Variants in TNPO1 observed in about 807,000 individuals in gnomAD.
TNPO1 encodes transportin 1.
In TNPO1, 8 loss-of-function variants were observed where a neutral mutation model predicts 119.5. That is an observed-to-expected ratio of 0.07 (90% CI 0.04 to 0.12). The LOEUF is 0.12. Among genes scored for constraint, TNPO1 ranks in the 10% least tolerant of loss-of-function variants. The pLI is 1.00. For synonymous variants in TNPO1, 362 were observed against 363.0 expected (o/e 1.00, Z 0.03); for missense variants, 576 against 1,089.8 (o/e 0.53, Z 6.64).
At chr5:72,878,948 G>T in intron 9 of TNPO1, 1 of 501,500 alleles carries the variant, frequency 2.0e-6, no homozygotes, top group East Asian at 6.0e-5. Context: ...AATTTGGCAC[G>T]AACCATGCCA....
intron 9 of TNPO1, among the ~76,000 whole-genome samples, chr5:72,880,816 C>CAAAAA (rs35726893): frequency 2.0e-5 from 2 of 101,180 alleles, no homozygotes; most frequent in Non-Finnish European, 3.8e-5. Context: ...GACTCCATCT[C>CAAAAA]AAAAAAAAAA....
chr5:72,903,581 T>C (rs1404742252), intron 22 of TNPO1, 128 bp from the exon 23 acceptor site: 7 of 634,778 alleles, frequency 1.1e-5, no homozygotes, highest in African/African-American at 1.9e-5. Context: ...ATGATCATAG[T>C]TAATTTTTAA....
intron 5 of TNPO1, among the ~76,000 whole-genome samples, chr5:72,862,689 AG>A (rs1746548416): frequency 6.6e-6 from 1 of 151,962 alleles, no homozygotes. Context: ...TCTGTTGCCC[AG>A]GCTGAAGTGC....
In TNPO1 at chr5:72,862,584, C is replaced by T. The variant is rs576450186; in HGVS notation, c.462+670C>T. On this transcript the variant is annotated intron_variant, in intron 5 of 24. Coordinates refer to ENST00000337273, the MANE Select transcript of TNPO1 (RefSeq NM_002270.4). ...TCAAGAAATCTTCCAGCCTCAGCCTCCCAAAGTGCTGGGATTACAGGCATG... is the reference window on the plus strand; with the variant it reads ...TCAAGAAATCTTCCAGCCTCAGCCTTCCAAAGTGCTGGGATTACAGGCATG... 1.1e-4 allele frequency among the ~76,000 whole-genome samples: 16 copies of T among 152,106 alleles called. No individual in the cohort carries two copies. The South Asian group carries it at 3.3e-3, about 32-fold the overall frequency.
At chr5:72,826,550 C>A (rs1463723010) in intron 1 of TNPO1, among the ~76,000 whole-genome samples, 2 of 152,116 alleles carry the variant, frequency 1.3e-5, no homozygotes, top group East Asian at 3.9e-4. Context: ...CTGCAAGATA[C>A]AGATACAGAG....
intron 14 of TNPO1, 22 bp downstream of exon 14, chr5:72,889,979 T>A: frequency 6.2e-7 from 1 of 1,605,420 alleles, no homozygotes; most frequent in Non-Finnish European, 8.5e-7. Context: ...TTAAGAACTA[T>A]TAGGGAAAAT....
intron 1 of TNPO1, among the ~76,000 whole-genome samples, chr5:72,827,991 C>G (rs557366195): frequency 6.6e-6 from 1 of 151,796 alleles, no homozygotes; most frequent in Non-Finnish European, 1.5e-5. Context: ...GCAGATATGT[C>G]TTGTCAGACG....
rs1245737438 is a variant in TNPO1 at position 72,841,662 on chromosome 5, C to T, written c.16-6723C>T. On this transcript the variant is annotated intron_variant, in intron 1 of 24. Coordinates refer to ENST00000337273, the MANE Select transcript of TNPO1 (RefSeq NM_002270.4). Reference sequence around the variant, plus strand: ...CCTATAGACTTTCTTAAAGGACTTTCTAGTTCCACTGATAGCTATAATTTA... The same window carrying T: ...CCTATAGACTTTCTTAAAGGACTTTTTAGTTCCACTGATAGCTATAATTTA... Among the ~76,000 whole-genome samples, 3 of 152,190 alleles carry T rather than the reference C, an allele frequency of 2.0e-5. No individual in the cohort carries two copies. The East Asian group carries it at 5.8e-4, about 29-fold the overall frequency.
chr5:72,852,427 GT>G (rs1308418614), intron 3 of TNPO1, among the ~76,000 whole-genome samples: 1 of 152,160 alleles, frequency 6.6e-6, no homozygotes, highest in Non-Finnish European at 1.5e-5. Context: ...AGTGAGAGTT[GT>G]TTCTCATAGC....
At position 72,907,853 on chromosome 5, in the gene TNPO1, G is replaced by A. The variant is rs144143011; in HGVS notation, c.*36-856G>A. The stretch of plus-strand genomic sequence containing the variant: ...GAGCCCAGGAGTTTGAGACCTGCCT[G>A]GGCAACATGATGAGATCTCCATCTC... On this transcript the variant is annotated intron_variant, in intron 24 of 24. Coordinates refer to ENST00000337273, the MANE Select transcript of TNPO1 (RefSeq NM_002270.4). Among the ~76,000 whole-genome samples the A allele has an allele frequency of 2.0e-3, 301 of 151,968 alleles. 2 individuals carry two copies. Among genetic ancestry groups the A allele is most frequent in the African/African-American group, 7.0e-3 (290 of 41,450 alleles).
intron 9 of TNPO1, chr5:72,878,945 C>T: frequency 2.0e-6 from 1 of 503,052 alleles, no homozygotes; most frequent in Non-Finnish European, 4.1e-6. Flanking sequence ...TGAAATTTGG[C>T]ACGAACCATG....
intron 1 of TNPO1, among the ~76,000 whole-genome samples, chr5:72,828,596 T>C (rs1237707319): frequency 6.6e-6 from 1 of 152,164 alleles, no homozygotes; most frequent in Non-Finnish European, 1.5e-5. Context: ...CTTAATACTT[T>C]AATGTGCATA....
At chr5:72,883,281 A>C in intron 11 of TNPO1, 49 bp downstream of exon 11, 1 of 844,450 alleles carries the variant, frequency 1.2e-6, no homozygotes, top group Non-Finnish European at 2.0e-6. Flanking sequence ...TGATAACTTT[A>C]TTGGGGTATA....
intron 20 of TNPO1, among the ~76,000 whole-genome samples, chr5:72,898,486 T>C (rs1372599065): frequency 6.6e-6 from 1 of 152,156 alleles, no homozygotes; most frequent in Non-Finnish European, 1.5e-5. Flanking sequence ...TTAGATTACC[T>C]CTTATCACAA....
intron 13 of TNPO1, among the ~76,000 whole-genome samples, chr5:72,888,589 C>G (rs115873545): frequency 6.6e-6 from 1 of 152,138 alleles, no homozygotes; most frequent in Non-Finnish European, 1.5e-5. Context: ...GTGACAACAT[C>G]GATCTTAGCT....
At chr5:72,851,525 C>G (rs1381334617) in intron 3 of TNPO1, among the ~76,000 whole-genome samples, 2 of 152,178 alleles carry the variant, frequency 1.3e-5, no homozygotes, top group Non-Finnish European at 2.9e-5. Context: ...CAGAGTCTCA[C>G]TCTATCACCC....
At chr5:72,848,532 A>G in intron 2 of TNPO1, 34 bp downstream of exon 2, 1 of 1,427,434 alleles carries the variant, frequency 7.0e-7, no homozygotes. Context: ...CCACCCGCGC[A>G]GCTCGCCCCG....
At chr5:72,816,883 T>C in intron 1 of TNPO1, 131 bp downstream of exon 1, 1 of 1,193,688 alleles carries the variant, frequency 8.4e-7, no homozygotes, top group East Asian at 3.0e-5. Context: ...CCCGGCCGTT[T>C]GAAGCCGAGA....
At chr5:72,903,973 T>C (rs919642074) in intron 23 of TNPO1, among the ~76,000 whole-genome samples, 190 bp downstream of exon 23, 3 of 152,224 alleles carry the variant, frequency 2.0e-5, no homozygotes, top group African/African-American at 4.8e-5. Flanking sequence ...GTGACTCTTA[T>C]CTGTAGAGGA....
Sources: allele counts gnomAD v4.1 joint callset (sites outside exome capture counted in the v4.1 genomes callset), GRCh38; gene constraint gnomAD v4.1.1; transcripts MANE v1.5; gene names NCBI Gene and HGNC (gene_info 2026-07-23, HGNC 2026-07-21).